ZPBP: variants seen among roughly 807,000 people sequenced by gnomAD.
ZPBP encodes zona pellucida binding protein.
ZPBP carries 26 observed loss-of-function variants against 44.8 expected under a neutral mutation model. The observed-to-expected ratio is 0.58, with a 90% CI of 0.43 to 0.81. ZPBP has a LOEUF of 0.81. Ranked by LOEUF, ZPBP falls within the 30% of genes least tolerant of loss-of-function variation. ZPBP has a pLI of 0.00. For synonymous variants in ZPBP, 174 were observed against 153.2 expected, an observed-to-expected ratio of 1.14 and a Z score of -1.00; for missense variants, 409 against 434.0, an observed-to-expected ratio of 0.94 and a Z score of 0.51.
At chr7:49,895,528 G>T (rs569851237) in intron 2 of ZPBP, among the ~76,000 whole-genome samples, 1 of 152,124 alleles carries the variant, frequency 6.6e-6, no homozygotes. Flanking sequence ...GTTAAGCCAG[G>T]TTTATCAGCT....
At position 50,052,293 on chromosome 7, in the gene ZPBP, T is replaced by C. The variant is rs1800734689; in HGVS notation, c.487+5696A>G. 2.0e-5 allele frequency among the ~76,000 whole-genome samples: 3 copies of C among 152,086 alleles called. No homozygotes were observed. In the South Asian group the frequency reaches 6.2e-4, roughly 32 times the overall value. On this transcript the variant is annotated intron_variant, in intron 4 of 7. Transcript: ENST00000046087. ...CCAATGAAAAAATGGTCAAAAGATA[T>C]GAACAGAAATTTTACCTAAGAGGAT...
At chr7:49,969,864 GAC>G (rs760539103) in intron 7 of ZPBP, among the ~76,000 whole-genome samples, 1 of 139,482 alleles carries the variant, frequency 7.2e-6, no homozygotes, top group Non-Finnish European at 1.6e-5. Context: ...GAGAGAGAGA[GAC>G]AGAGACAGAG....
rs549841112 is a variant in ZPBP at position 50,035,552 on chromosome 7, T to C, written c.488-4242A>G. ...CCATAATTTGAGAACCACTGATCTA[T>C]AGTCAAAGTACTGTTAGAAATTGAC... is the stretch of plus-strand genomic sequence containing the variant. On this transcript the variant is annotated intron_variant, in intron 4 of 7. Transcript: ENST00000046087. Among the ~76,000 whole-genome samples the C allele has an allele frequency of 6.4e-4, 98 of 152,330 alleles. 2 individuals carry two copies. The South Asian group carries it at 0.02, about 31-fold the overall frequency.
chr7:50,046,988 C>T (rs992123737), intron 4 of ZPBP, among the ~76,000 whole-genome samples: 2 of 152,176 alleles, frequency 1.3e-5, no homozygotes, highest in Non-Finnish European at 2.9e-5. Context: ...AGCTCATGTC[C>T]TTTGCAGGGA....
chr7:49,941,129 T>C (rs1394485675), intron 7 of ZPBP, among the ~76,000 whole-genome samples: 2 of 152,146 alleles, frequency 1.3e-5, no homozygotes, highest in Non-Finnish European at 2.9e-5. Context: ...GCACAGACAC[T>C]ATTTAAAAAA....
intron 3 of ZPBP, among the ~76,000 whole-genome samples, chr7:50,060,120 G>A (rs1325439057): frequency 1.3e-5 from 2 of 152,076 alleles, no homozygotes; most frequent in Non-Finnish European, 2.9e-5. Context: ...GACATGGAGC[G>A]GCCCACTCTC....
intron 6 of ZPBP, among the ~76,000 whole-genome samples, chr7:50,007,940 T>C (rs1798386368): frequency 1.3e-5 from 2 of 151,918 alleles, no homozygotes; most frequent in South Asian, 4.1e-4. Context: ...ACTGAAAGCT[T>C]TCCCACTAAG....
chr7:50,018,359 T>A, intron 5 of ZPBP, 43 bp from the exon 6 acceptor site: 1 of 1,362,822 alleles, frequency 7.3e-7, no homozygotes, highest in Non-Finnish European at 1.0e-6. Context: ...TAATGTATTC[T>A]GTCACAATAT....
At chr7:50,024,466 C>G (rs199539974) in intron 5 of ZPBP, among the ~76,000 whole-genome samples, 1 of 6,946 alleles carries the variant, frequency 1.4e-4, no homozygotes, top group African/African-American at 6.3e-4. Flanking sequence ...ATGCATTATA[C>G]ACACACACAC....
At chr7:49,843,947 G>A in the ZPBP span, among the ~76,000 whole-genome samples, 1 of 152,194 alleles carries the variant, frequency 6.6e-6, no homozygotes, top group South Asian at 2.1e-4. Flanking sequence ...GTGACAGTTA[G>A]GACTCATTCT....
intron 4 of ZPBP, among the ~76,000 whole-genome samples, chr7:50,039,850 T>C (rs973188375): frequency 1.4e-5 from 2 of 139,988 alleles, no homozygotes; most frequent in African/African-American, 4.9e-5. Context: ...ATTGATACCA[T>C]AAAATACAGA....
At chr7:49,914,102 T>G (rs920563376) in intron 1 of ZPBP, 1 of 152,212 alleles carries the variant, frequency 6.6e-6, no homozygotes, top group African/African-American at 2.4e-5. Context: ...AAGGATGGAT[T>G]GTTTGAGACA....
chr7:49,841,084 AT>A, the ZPBP span, among the ~76,000 whole-genome samples: 44 of 152,274 alleles, frequency 2.9e-4, no homozygotes, highest in Admixed American at 7.8e-4. Flanking sequence ...GTGGACTGGA[AT>A]TTTTTTCTGT....
intron 1 of ZPBP, among the ~76,000 whole-genome samples, chr7:49,930,691 T>C (rs1441328546): frequency 6.6e-6 from 1 of 152,180 alleles, no homozygotes; most frequent in Admixed American, 6.5e-5. Flanking sequence ...TCCAGAAGAT[T>C]AGAAATACCT....
chr7:49,957,219 T>A (rs575094906), intron 7 of ZPBP, among the ~76,000 whole-genome samples: 1 of 152,346 alleles, frequency 6.6e-6, no homozygotes, highest in East Asian at 1.9e-4. Flanking sequence ...AGAAATACAT[T>A]TCTGTTCTTT....
chr7:49,866,601 T>C (rs937280950), intron 2 of ZPBP, among the ~76,000 whole-genome samples: 1 of 152,160 alleles, frequency 6.6e-6, no homozygotes, highest in African/African-American at 2.4e-5. Context: ...ACAGCCTCCT[T>C]CTTGATGGGA....
chr7:49,845,080 T>C, the ZPBP span, among the ~76,000 whole-genome samples: 1 of 151,900 alleles, frequency 6.6e-6, no homozygotes, highest in African/African-American at 2.4e-5. Flanking sequence ...AGCTGAACGA[T>C]GAGAACACAT....
chr7:50,075,251 C>T (rs969662646), intron 3 of ZPBP, among the ~76,000 whole-genome samples: 2 of 151,588 alleles, frequency 1.3e-5, no homozygotes, highest in South Asian at 4.1e-4. Context: ...CATACCAAAA[C>T]CTATGGGATA....
intron 4 of ZPBP, among the ~76,000 whole-genome samples, chr7:50,047,757 C>G (rs1047158294): frequency 6.6e-5 from 10 of 151,810 alleles, no homozygotes; most frequent in African/African-American, 2.4e-4. Context: ...ATCGAAGTTC[C>G]TGCTTTCCAG....
Sources: gnomAD v4.1 joint callset for allele counts (sites outside exome capture counted in the v4.1 genomes callset) on GRCh38, gnomAD v4.1.1 for gene constraint, MANE v1.5 for transcripts, NCBI Gene and HGNC (gene_info 2026-07-23, HGNC 2026-07-21) for gene names.